Variants in LAMB2 observed in about 807,000 individuals in gnomAD.
LAMB2 encodes the protein laminin subunit beta 2.
A neutral mutation model predicts 202.7 loss-of-function variants in LAMB2; 119 were observed. That is an observed-to-expected ratio of 0.59 (90% CI 0.51 to 0.68). The LOEUF (loss-of-function observed/expected upper bound fraction) is 0.68. Among genes scored for constraint, LAMB2 ranks in the 30% least tolerant of loss-of-function variants. LAMB2 has a pLI of 0.00. For synonymous variants in LAMB2, 818 were observed against 902.2 expected (o/e 0.91, Z 1.67); for missense variants, 2,124 against 2,410.6 (o/e 0.88, Z 2.49).
Position 49,130,670 on chromosome 3 carries a change from C to T in LAMB2, c.1036+70G>A. ...GGGTTTTAGGGGCTTGACCAACTAG[C>T]TCTAGGTTCTACCCAGGGCACAGCC... On this transcript the variant is annotated intron_variant, in intron 8 of 31. Coordinates refer to ENST00000305544, the MANE Select transcript of LAMB2 (RefSeq NM_002292.4). The surrounding 1 kb of genome is among the most constrained non-coding windows in gnomAD (Gnocchi z 5.0). 6.2e-7 allele frequency: 1 copy of T among 1,607,066 alleles called. No individual in the cohort carries two copies. Among genetic ancestry groups the T allele is most frequent in the African/African-American group, 1.3e-5 (1 of 75,006 alleles).
At position 49,121,985 on chromosome 3, in the gene LAMB2, C is replaced by T. The variant is rs774017887; in HGVS notation, c.4882G>A (p.Ala1628Thr). ...TCTGTGTCCCGTGTGTCAGCCACTGCCCCCCGGATGGCACCCTGGGCAATA... is the reference window on the plus strand; with the variant it reads ...TCTGTGTCCCGTGTGTCAGCCACTGTCCCCCGGATGGCACCCTGGGCAATA... ...QGIAQGAIRG[A>T]VADTRDTEQT... Residue 1628 changes from alanine (A) to threonine (T), a missense_variant, in exon 29 of 32, where the codon GCA becomes ACA. By Grantham distance (58) the Ala-to-Thr change is moderately conservative. Around this residue, in one of 3 missense-constraint regions of LAMB2, gnomAD observed 1,702 missense variants for 1,896.3 expected, o/e 0.90. Transcript: ENST00000305544. 22 of 1,613,676 alleles carry T rather than the reference C, an allele frequency of 1.4e-5. No individual in the cohort carries two copies. Among genetic ancestry groups the T allele is most frequent in the Non-Finnish European group, 1.9e-5 (22 of 1,180,032 alleles).
Position 49,125,124 on chromosome 3 carries a change from G to A in LAMB2, c.2766C>T (p.Gly922=), listed in dbSNP as rs576108341. ...CAGGACAGGGACAGGGCCGGCACTG[G>A]CCCCCATATGGCAGCCGTGGGTCCC... ...FHGDPRLPYG[G]QCRPCPCPEG... The change falls in exon 20 of 32, where the codon GGC becomes GGT. Residue 922 remains glycine (G), a synonymous_variant. Coordinates refer to ENST00000305544, the MANE Select transcript of LAMB2 (RefSeq NM_002292.4). 64 of 1,613,670 alleles carry A rather than the reference G, an allele frequency of 4.0e-5. No homozygotes were observed. In the East Asian group the frequency reaches 1.0e-3, roughly 26 times the overall value.
In LAMB2 at chr3:49,124,814, G is replaced by A; in HGVS notation, c.2996C>T (p.Ala999Val). Residue 999 changes from alanine (A) to valine (V), a missense_variant, in exon 21 of 32, where the codon GCC becomes GTC. This residue lies in a region of LAMB2 where 1,702 missense variants were observed against 1,896.3 expected (regional missense o/e 0.90). Transcript: ENST00000305544. ...GCATTGCCCCGTGTGGGGGTCACAGGCATCAGGATCCATTGGGTCAATGTT... is the reference window on the plus strand; with the variant it reads ...GCATTGCCCCGTGTGGGGGTCACAGACATCAGGATCCATTGGGTCAATGTT... ...SGNIDPMDPD[A>V]CDPHTGQCLR... 1 of 1,614,168 alleles carries A rather than the reference G, an allele frequency of 6.2e-7. No homozygotes were observed. Among genetic ancestry groups the A allele is most frequent in the Non-Finnish European group, 8.5e-7 (1 of 1,180,020 alleles).
Position 49,130,785 on chromosome 3 carries a change from G to A in LAMB2, c.991C>T (p.Leu331=), listed in dbSNP as rs561241970. The change falls in exon 8 of 32, where the codon CTG becomes TTG. Residue 331 remains leucine, a synonymous_variant. Coordinates refer to ENST00000305544, the MANE Select transcript of LAMB2 (RefSeq NM_002292.4). This position sits in a 1 kb window ranked among gnomAD's most constrained non-coding sequence, Gnocchi z 5.0. ...CEQCQDFYRD[L]PWRPAEDGHS... The stretch of plus-strand genomic sequence containing the variant: ...CCGTCCTCAGCCGGACGCCAGGGCA[G>A]GTCACGATAGAAATCCTGACACTGC... 27 of 1,614,166 alleles carry A rather than the reference G, an allele frequency of 1.7e-5. No homozygotes were observed. In the East Asian group the frequency reaches 3.1e-4, roughly 19 times the overall value.
Position 49,132,842 on chromosome 3 carries a change from C to T in LAMB2, c.26G>A (p.Gly9Glu). 5 of 1,614,150 alleles carry T rather than the reference C, an allele frequency of 3.1e-6. No individual in the cohort carries two copies. The highest frequency in any genetic ancestry group is 4.2e-6 in the Non-Finnish European group (5 of 1,180,030). The change falls in exon 1 of 32, where the codon GGG (glycine) becomes GAG (glutamate). Residue 9 changes from glycine (G) to glutamate (E), a missense_variant. By Grantham distance (98) the Gly-to-Glu change is moderately conservative. This residue lies in a region of LAMB2 where 166 missense variants were observed against 158.2 expected (regional missense o/e 1.05). Coordinates refer to ENST00000305544, the MANE Select transcript of LAMB2 (RefSeq NM_002292.4). The surrounding 1 kb of genome is among the most constrained non-coding windows in gnomAD (Gnocchi z 4.6). ...TTCCCAGGGCAGAGGCTGTCCCCTC[C>T]CTCTTTCCCTTGAGGTCAGCTCCAT... Reference protein sequence around the residue: MELTSRERGRGQPLPWELR... With the variant: MELTSRERERGQPLPWELR...
chr3:49,132,293 G>A lies in LAMB2; in HGVS notation c.362C>T (p.Ala121Val). 6.2e-7 allele frequency: 1 copy of A among 1,614,244 alleles called. No homozygotes were observed. Among genetic ancestry groups the A allele is most frequent in the South Asian group, 1.1e-5 (1 of 91,086 alleles). ...VVTSFAPQRR[A>V]AWWQSENGIP... ...ACCATTCTCTGACTGCCACCAGGCTGCCCGCCGCTGTGGTGCAAAGCTGGT... is the reference window on the plus strand; with the variant it reads ...ACCATTCTCTGACTGCCACCAGGCTACCCGCCGCTGTGGTGCAAAGCTGGT... Residue 121 changes from alanine to valine, a missense_variant, in exon 3 of 32, where the codon GCA becomes GTA. By Grantham distance (64) the Ala-to-Val change is moderately conservative. This residue lies in a region of LAMB2 where 166 missense variants were observed against 158.2 expected (regional missense o/e 1.05). Coordinates refer to ENST00000305544, the MANE Select transcript of LAMB2 (RefSeq NM_002292.4). This position sits in a 1 kb window ranked among gnomAD's most constrained non-coding sequence, Gnocchi z 4.6.
In LAMB2 at chr3:49,125,005, C is replaced by T; in HGVS notation, c.2884+1G>A. On this transcript the variant is annotated splice_donor_variant, in intron 20 of 31. Transcript: ENST00000305544. LOFTEE classifies it high-confidence loss of function. ...TCCCACGCCTGCCCCCATCCACTCACCCGTATAGCCTGCCCGGCAGTGGCA... is the reference window on the plus strand; with the variant it reads ...TCCCACGCCTGCCCCCATCCACTCATCCGTATAGCCTGCCCGGCAGTGGCA... 2 of 1,613,990 alleles carry T rather than the reference C, an allele frequency of 1.2e-6. No individual in the cohort carries two copies. Among genetic ancestry groups the T allele is most frequent in the Non-Finnish European group, 1.7e-6 (2 of 1,180,036 alleles).
chr3:49,124,095 C>A lies in LAMB2; in HGVS notation c.3430G>T (p.Asp1144Tyr). 1 of 1,614,106 alleles carries A rather than the reference C, an allele frequency of 6.2e-7. No individual in the cohort carries two copies. The highest frequency in any genetic ancestry group is 8.5e-7 in the Non-Finnish European group (1 of 1,180,032). The part of the protein sequence containing the change: ...GDPGLQCHAC[D>Y]CDSRGIDTPQ... Reference sequence around the variant, plus strand: ...GTATCTATTCCACGAGAGTCACAATCACAGGCTGCAAGAAAGAGCAGAGCA... The same window carrying A: ...GTATCTATTCCACGAGAGTCACAATAACAGGCTGCAAGAAAGAGCAGAGCA... The change falls in exon 24 of 32, where the codon GAT (aspartate) becomes TAT (tyrosine). Residue 1144 changes from aspartate (D) to tyrosine (Y), a missense_variant. Physicochemically the swap from Asp to Tyr is radical, Grantham distance 160 (BLOSUM62 -3). This residue lies in a region of LAMB2 where 1,702 missense variants were observed against 1,896.3 expected (regional missense o/e 0.90). Transcript: ENST00000305544.
Position 49,121,157 on chromosome 3 carries a change from G to A in LAMB2, c.*69C>T, listed in dbSNP as rs2045208092. The A allele has an allele frequency of 6.3e-7, 1 of 1,584,960 alleles. No homozygotes were observed. Among genetic ancestry groups the A allele is most frequent in the Non-Finnish European group, 8.6e-7 (1 of 1,158,128 alleles). ...TATTGGGGGCCCTGCCGGGCCAAGA[G>A]CTCTTCAGTGCATAGGCAGACATGC... is the stretch of plus-strand genomic sequence containing the variant. On this transcript the variant is annotated 3_prime_UTR_variant, in exon 32 of 32. Transcript: ENST00000305544.
chr3:49,123,494 C>T lies in LAMB2; in HGVS notation c.3935G>A (p.Arg1312Gln), dbSNP rs759882519. 106 of 1,614,050 alleles carry T rather than the reference C, an allele frequency of 6.6e-5. 3 individuals are homozygous for T. In the South Asian group the frequency reaches 1.0e-3, roughly 16 times the overall value. Residue 1312 changes from arginine to glutamine, a missense_variant, in exon 25 of 32, where the codon CGG (arginine) becomes CAG (glutamine). By Grantham distance (43) the Arg-to-Gln change is conservative (BLOSUM62 1). Coordinates refer to ENST00000305544, the MANE Select transcript of LAMB2 (RefSeq NM_002292.4). Reference protein sequence around the residue: ...RDRLALNLTLRQLDQHLDLLK... With the variant: ...RDRLALNLTLQQLDQHLDLLK... The stretch of plus-strand genomic sequence containing the variant: ...CAAGTCAAGATGCTGGTCGAGCTGC[C>T]GCAGTGTGAGATTAAGTGCAAGCCT...
chr3:49,130,502 T>C lies in LAMB2; in HGVS notation c.1037-83A>G. 2.0e-6 allele frequency: 3 copies of C among 1,534,252 alleles called. No individual in the cohort carries two copies. Among genetic ancestry groups the C allele is most frequent in the Non-Finnish European group, 2.7e-6 (3 of 1,110,578 alleles). ...AGAAGTAGGCCACCTTAGATCCCTATCACAGGCCAGAATTTGTGGGTAGGG... is the reference window on the plus strand; with the variant it reads ...AGAAGTAGGCCACCTTAGATCCCTACCACAGGCCAGAATTTGTGGGTAGGG... On this transcript the variant is annotated intron_variant, in intron 8 of 31. Coordinates refer to ENST00000305544, the MANE Select transcript of LAMB2 (RefSeq NM_002292.4). The surrounding 1 kb of genome is among the most constrained non-coding windows in gnomAD (Gnocchi z 5.0).
At chr3:49,127,916 A>G (rs1460797546) in intron 15 of LAMB2, among the ~76,000 whole-genome samples, 1 of 147,874 alleles carries the variant, frequency 6.8e-6, no homozygotes, top group Non-Finnish European at 1.5e-5. Context: ...GCTACTCGGG[A>G]TGCTGACACA....
chr3:49,125,901 G>A lies in LAMB2; in HGVS notation c.2345-11C>T. ...GGTTGCACTGACATGCTGTGGGGAG[G>A]AGGGTTGGGCCAAGTCAGGCTGGGT... is the stretch of plus-strand genomic sequence containing the variant. On this transcript the variant is annotated splice_polypyrimidine_tract_variant and intron_variant, in intron 17 of 31. Coordinates refer to ENST00000305544, the MANE Select transcript of LAMB2 (RefSeq NM_002292.4). 6.2e-7 allele frequency: 1 copy of A among 1,614,122 alleles called. No individual in the cohort carries two copies. Among genetic ancestry groups the A allele is most frequent in the South Asian group, 1.1e-5 (1 of 91,080 alleles).
At position 49,132,001 on chromosome 3, in the gene LAMB2, A is replaced by G. The variant is rs2045486869; in HGVS notation, c.459+115T>C. 1 of 1,051,658 alleles carries G rather than the reference A, an allele frequency of 9.5e-7. No individual in the cohort carries two copies. Among genetic ancestry groups the G allele is most frequent in the East Asian group, 2.4e-5 (1 of 41,894 alleles). 65.1% of individuals were successfully genotyped at this position (1,051,658 alleles called of 1,614,324 possible). On this transcript the variant is annotated intron_variant, in intron 4 of 31. Transcript: ENST00000305544. The surrounding 1 kb of genome is among the most constrained non-coding windows in gnomAD (Gnocchi z 4.6). Reference sequence around the variant, plus strand: ...GGCAAATGGAAGGTGTGAAGGGATGAAGGAGCCTCCTGCATCCATGCTCAA... The same window carrying G: ...GGCAAATGGAAGGTGTGAAGGGATGGAGGAGCCTCCTGCATCCATGCTCAA...
At position 49,130,234 on chromosome 3, in the gene LAMB2, G is replaced by A. The variant is rs759728774; in HGVS notation, c.1222C>T (p.Arg408Cys). ...TKDLRDPAVC[R>C]SCDCDPMGSQ... Reference sequence around the variant, plus strand: ...CCGTGCCCAATCCCAGCCTCACAGCGGCACACAGCCGGATCCCGCAGGTCC... The same window carrying A: ...CCGTGCCCAATCCCAGCCTCACAGCAGCACACAGCCGGATCCCGCAGGTCC... The change falls in exon 9 of 32, where the codon CGC becomes TGC. Residue 408 changes from arginine to cysteine, a missense_variant. This residue lies in a region of LAMB2 where 1,702 missense variants were observed against 1,896.3 expected (regional missense o/e 0.90). Transcript: ENST00000305544. This position sits in a 1 kb window ranked among gnomAD's most constrained non-coding sequence, Gnocchi z 5.0. 4.3e-6 allele frequency: 7 copies of A among 1,614,070 alleles called. No homozygotes were observed. The highest frequency in any genetic ancestry group is 3.3e-5 in the Admixed American group (2 of 60,010).
rs1055560126 is a variant in LAMB2 at position 49,125,386 on chromosome 3, G to C, written c.2587C>G (p.Arg863Gly). The part of the protein sequence containing the change: ...RTGAFGLRCD[R>G]CQRGQWGFPS... ...AATCCCCACTGGCCACGCTGGCAGCGGTCACAGCGAAGCCCAAAGGCACCA... is the reference window on the plus strand; with the variant it reads ...AATCCCCACTGGCCACGCTGGCAGCCGTCACAGCGAAGCCCAAAGGCACCA... The change falls in exon 19 of 32, where the codon CGC becomes GGC. Residue 863 changes from arginine (R) to glycine (G), a missense_variant. By Grantham distance (125) the Arg-to-Gly change is moderately radical. Transcript: ENST00000305544. 14 of 1,613,952 alleles carry C rather than the reference G, an allele frequency of 8.7e-6. No individual in the cohort carries two copies. The Admixed American group carries it at 2.2e-4, about 25-fold the overall frequency.
Position 49,121,697 on chromosome 3 carries a change from T to C in LAMB2, c.5087A>G (p.Gln1696Arg). 1.2e-6 allele frequency: 2 copies of C among 1,614,080 alleles called. No individual in the cohort carries two copies. The highest frequency in any genetic ancestry group is 1.7e-6 in the Non-Finnish European group (2 of 1,180,008). ...ETAGSAQGRA[Q>R]EAEQLLRGPL... ...GCCTCAACCCACCTGCTCAGCCTCC[T>C]GGGCACGACCCTGGGCACTGCCTGC... Residue 1696 changes from glutamine (Q) to arginine (R), a missense_variant, in exon 30 of 32, where the codon CAG (glutamine) becomes CGG (arginine). Gln to Arg is a conservative substitution (Grantham distance 43, BLOSUM62 1). This residue lies in a region of LAMB2 where 1,702 missense variants were observed against 1,896.3 expected (regional missense o/e 0.90). Transcript: ENST00000305544.
In LAMB2 at chr3:49,132,256, A is replaced by G. The variant is rs529821500; in HGVS notation, c.385+14T>C. On this transcript the variant is annotated intron_variant, in intron 3 of 31. Coordinates refer to ENST00000305544, the MANE Select transcript of LAMB2 (RefSeq NM_002292.4). This position sits in a 1 kb window ranked among gnomAD's most constrained non-coding sequence, Gnocchi z 4.6. Reference sequence around the variant, plus strand: ...GGGCAGCCCTGCTCACTTTTGCCCCACCCATGGCCTCACCATTCTCTGACT... The same window carrying G: ...GGGCAGCCCTGCTCACTTTTGCCCCGCCCATGGCCTCACCATTCTCTGACT... The G allele has an allele frequency of 6.2e-7, 1 of 1,614,126 alleles. No individual in the cohort carries two copies. The highest frequency in any genetic ancestry group is 2.2e-5 in the East Asian group (1 of 44,878).
At position 49,128,451 on chromosome 3, in the gene LAMB2, C is replaced by A. The variant is rs375466747; in HGVS notation, c.2018+7G>T. 1 of 1,613,452 alleles carries A rather than the reference C, an allele frequency of 6.2e-7. No individual in the cohort carries two copies. Among genetic ancestry groups the A allele is most frequent in the Non-Finnish European group, 8.5e-7 (1 of 1,179,878 alleles). Reference sequence around the variant, plus strand: ...GCCATTGTGAGTGCTACCACCAGTGCCCTCACCTGGCATGTGGTTGCAGAG... The same window carrying A: ...GCCATTGTGAGTGCTACCACCAGTGACCTCACCTGGCATGTGGTTGCAGAG... On this transcript the variant is annotated splice_region_variant and intron_variant, in intron 15 of 31. Transcript: ENST00000305544.
Sources: allele counts gnomAD v4.1 joint callset (sites outside exome capture counted in the v4.1 genomes callset), GRCh38; gene constraint gnomAD v4.1.1; regional missense constraint gnomAD v4.1.1; non-coding constraint Gnocchi (gnomAD v3.1); transcripts MANE v1.5; gene names NCBI Gene and HGNC (gene_info 2026-07-23, HGNC 2026-07-21).